Variants in B3GALT5 observed in about 807,000 individuals in gnomAD.
B3GALT5 encodes UDP-Gal:betaGlcNAc beta 1,3-galactosyltransferase, polypeptide 5.
For missense variants in B3GALT5, 328 were observed against 396.6 expected, an observed-to-expected ratio of 0.83 and a Z score of 1.47; for synonymous variants, 156 against 158.6, an observed-to-expected ratio of 0.98 and a Z score of 0.12.
chr21:39,643,105 G>A (rs1430972065), intron 1 of B3GALT5, among the ~76,000 whole-genome samples: 1 of 151,926 alleles, frequency 6.6e-6, no homozygotes, highest in East Asian at 1.9e-4. Context: ...GACACAGTGG[G>A]GAGGGGTAGC....
At chr21:39,613,706 G>A (rs1024604944) in intron 1 of B3GALT5, among the ~76,000 whole-genome samples, 2 of 152,226 alleles carry the variant, frequency 1.3e-5, no homozygotes, top group Non-Finnish European at 2.9e-5. Context: ...GTATGTGTGC[G>A]CATGTGCACG....
chr21:39,621,765 C>G (rs1204636598), intron 1 of B3GALT5, among the ~76,000 whole-genome samples: 3 of 151,948 alleles, frequency 2.0e-5, no homozygotes, highest in Non-Finnish European at 2.9e-5. Context: ...ACCTTTTTGA[C>G]TTTAAATATG....
chr21:39,652,619 C>T (rs1289600314), intron 2 of B3GALT5, among the ~76,000 whole-genome samples: 3 of 152,236 alleles, frequency 2.0e-5, no homozygotes, highest in African/African-American at 2.4e-5. Context: ...ATCTGCTCTG[C>T]AGCTTCTTCA....
chr21:39,673,032 A>G lies in B3GALT5; in HGVS notation c.*11540A>G, dbSNP rs1384611428. ...AAGAAATCAAGTCTTGTGAATTGATACGATTGTACTTCTAGAGTCTTTGAT... is the reference window on the plus strand; with the variant it reads ...AAGAAATCAAGTCTTGTGAATTGATGCGATTGTACTTCTAGAGTCTTTGAT... On this transcript the variant is annotated 3_prime_UTR_variant, in exon 4 of 4. Transcript: ENST00000684187. This position sits in a 1 kb window ranked among gnomAD's most constrained non-coding sequence, Gnocchi z 5.2. The G allele has an allele frequency of 1.3e-5, 2 of 152,242 alleles. No homozygotes were observed. The highest frequency in any genetic ancestry group is 4.8e-5 in the African/African-American group (2 of 41,472). 9.4% of individuals were successfully genotyped at this position (152,242 alleles called of 1,614,324 possible). A position where few individuals can be genotyped will look rare whatever the true frequency, so the allele number is the denominator to read the frequency against.
chr21:39,622,131 A>G (rs1329758584), intron 1 of B3GALT5, among the ~76,000 whole-genome samples: 1 of 151,976 alleles, frequency 6.6e-6, no homozygotes, highest in Non-Finnish European at 1.5e-5. Flanking sequence ...TCTTTAAGCC[A>G]TAAGTTTTTT....
At chr21:39,644,404 G>A (rs1217080283) in intron 1 of B3GALT5, among the ~76,000 whole-genome samples, 2 of 152,200 alleles carry the variant, frequency 1.3e-5, no homozygotes, top group Non-Finnish European at 1.5e-5. Flanking sequence ...CATCTTTGTC[G>A]CCATTTTATT....
rs2079624913 is a variant in B3GALT5 at position 39,671,235 on chromosome 21, G to A, written c.*9743G>A. On this transcript the variant is annotated 3_prime_UTR_variant, in exon 4 of 4. Transcript: ENST00000684187. ...TTAAGTTTCCTTACACATGCACTTT[G>A]GGGGACACATTCAAACTGTAGCAGG... The A allele has an allele frequency of 1.3e-5, 2 of 152,190 alleles. No homozygotes were observed. Among genetic ancestry groups the A allele is most frequent in the Admixed American group, 6.5e-5 (1 of 15,280 alleles). 9.4% of individuals were successfully genotyped at this position (152,190 alleles called of 1,614,324 possible).
intron 2 of B3GALT5, among the ~76,000 whole-genome samples, chr21:39,651,375 C>T (rs1418661002): frequency 6.6e-6 from 1 of 152,180 alleles, no homozygotes; most frequent in Non-Finnish European, 1.5e-5. Flanking sequence ...GAATCTACTC[C>T]AGGCCCTCCC....
chr21:39,632,176 A>G (rs992499480), intron 1 of B3GALT5, among the ~76,000 whole-genome samples: 1 of 152,184 alleles, frequency 6.6e-6, no homozygotes, highest in African/African-American at 2.4e-5. Flanking sequence ...CTATTCTACT[A>G]GTAACTGTCT....
Position 39,664,547 on chromosome 21 carries a change from C to A in B3GALT5, c.*3055C>A, listed in dbSNP as rs1180754001. 1 of 152,454 alleles carries A rather than the reference C, an allele frequency of 6.6e-6. No homozygotes were observed. Among genetic ancestry groups the A allele is most frequent in the Admixed American group, 6.5e-5 (1 of 15,290 alleles). The allele number at this position is 152,454 out of a possible 1,614,324, so 9.4% of individuals were successfully genotyped here. On this transcript the variant is annotated 3_prime_UTR_variant, in exon 4 of 4. Transcript: ENST00000684187. ...TGGCCACCACCTTCCCCGACCCCTTCCCTGACCCCCTTCCCCGTCCCGCTG... is the reference window on the plus strand; with the variant it reads ...TGGCCACCACCTTCCCCGACCCCTTACCTGACCCCCTTCCCCGTCCCGCTG...
At chr21:39,648,392 C>T (rs968044260) in intron 2 of B3GALT5, among the ~76,000 whole-genome samples, 1 of 152,136 alleles carries the variant, frequency 6.6e-6, no homozygotes, top group African/African-American at 2.4e-5. Flanking sequence ...CCAGACCCTC[C>T]TAGCATGTGC....
At position 39,664,448 on chromosome 21, in the gene B3GALT5, A is replaced by G. The variant is rs1254891373; in HGVS notation, c.*2956A>G. The G allele has an allele frequency of 6.6e-6, 1 of 152,556 alleles. No homozygotes were observed. The highest frequency in any genetic ancestry group is 1.5e-5 in the Non-Finnish European group (1 of 68,362). 9.5% of individuals were successfully genotyped at this position (152,556 alleles called of 1,614,324 possible). On this transcript the variant is annotated 3_prime_UTR_variant, in exon 4 of 4. Coordinates refer to ENST00000684187, the MANE Select transcript of B3GALT5 (RefSeq NM_001356336.2). ...CCTGATGTGGCCTCACTCTCGTCCTACCACCTGCTGTCCCCTCTGCTGGAT... is the reference window on the plus strand; with the variant it reads ...CCTGATGTGGCCTCACTCTCGTCCTGCCACCTGCTGTCCCCTCTGCTGGAT...
In B3GALT5 at chr21:39,670,321, T is replaced by C. The variant is rs987677327; in HGVS notation, c.*8829T>C. On this transcript the variant is annotated 3_prime_UTR_variant, in exon 4 of 4. Coordinates refer to ENST00000684187, the MANE Select transcript of B3GALT5 (RefSeq NM_001356336.2). ...CTCAGTGGAAGCTGGTTCTGAACAA[T>C]GTTAACTGCCCCACCCGTGTCCATG... 3 of 152,054 alleles carry C rather than the reference T, an allele frequency of 2.0e-5. No homozygotes were observed. The highest frequency in any genetic ancestry group is 4.8e-5 in the African/African-American group (2 of 41,376). The allele number at this position is 152,054 out of a possible 1,614,324, so 9.4% of individuals were successfully genotyped here. A position where few individuals can be genotyped will look rare whatever the true frequency, so the allele number is the denominator to read the frequency against.
intron 1 of B3GALT5, among the ~76,000 whole-genome samples, chr21:39,623,638 T>C (rs894498425): frequency 5.3e-5 from 8 of 152,170 alleles, no homozygotes; most frequent in African/African-American, 1.9e-4. Context: ...TGGTATCTTC[T>C]ATATGTATTA....
chr21:39,653,436 C>T (rs1423239707), intron 2 of B3GALT5, among the ~76,000 whole-genome samples: 3 of 152,194 alleles, frequency 2.0e-5, no homozygotes, highest in Non-Finnish European at 2.9e-5. Flanking sequence ...TGCAATCTGG[C>T]TCTTGAAGCT....
intron 1 of B3GALT5, among the ~76,000 whole-genome samples, chr21:39,629,173 C>T (rs1219092674): frequency 6.6e-6 from 1 of 152,162 alleles, no homozygotes; most frequent in African/African-American, 2.4e-5. Context: ...CGCCACTGCA[C>T]CCGGCTAATT....
Position 39,661,166 on chromosome 21 carries a change from T to C in B3GALT5, c.607T>C (p.Ser203Pro). The change falls in exon 4 of 4, where the codon TCT (serine) becomes CCT (proline). Residue 203 changes from serine (S) to proline (P), a missense_variant. By Grantham distance (74) the Ser-to-Pro change is moderately conservative. Coordinates refer to ENST00000684187, the MANE Select transcript of B3GALT5 (RefSeq NM_001356336.2). This position sits in a 1 kb window ranked among gnomAD's most constrained non-coding sequence, Gnocchi z 4.7. Reference sequence around the variant, plus strand: ...ATTCAGCAAGTGGTTTGTCAGTAAATCTGAATATCCGTGGGACAGGTACCC... The same window carrying C: ...ATTCAGCAAGTGGTTTGTCAGTAAACCTGAATATCCGTGGGACAGGTACCC... ...QPFSKWFVSK[S>P]EYPWDRYPPF... 1 of 1,614,064 alleles carries C rather than the reference T, an allele frequency of 6.2e-7. No individual in the cohort carries two copies. The highest frequency in any genetic ancestry group is 1.3e-5 in the African/African-American group (1 of 75,016).
intron 2 of B3GALT5, chr21:39,657,735 A>G (rs1414678753): frequency 1.6e-6 from 1 of 628,944 alleles, no homozygotes; most frequent in East Asian, 3.5e-5. Flanking sequence ...TGATTAATCT[A>G]CCTATCAATC....
chr21:39,663,546 C>T lies in B3GALT5; in HGVS notation c.*2054C>T, dbSNP rs971392314. 8 of 151,180 alleles carry T rather than the reference C, an allele frequency of 5.3e-5. No individual in the cohort carries two copies. The highest frequency in any genetic ancestry group is 1.9e-4 in the African/African-American group (8 of 41,126). The allele number at this position is 151,180 out of a possible 1,614,324, so 9.4% of individuals were successfully genotyped here. The stretch of plus-strand genomic sequence containing the variant: ...AAGCTGGAGCGTAGTGGCCTGATCT[C>T]GCTGCAGCCTTGAACTCAACGAGCC... On this transcript the variant is annotated 3_prime_UTR_variant, in exon 4 of 4. Transcript: ENST00000684187.
Sources: allele counts gnomAD v4.1 joint callset (sites outside exome capture counted in the v4.1 genomes callset), GRCh38; gene constraint gnomAD v4.1.1; non-coding constraint Gnocchi (gnomAD v3.1); transcripts MANE v1.5; gene names NCBI Gene and HGNC (gene_info 2026-07-23, HGNC 2026-07-21).